The following GOSR2 variants were observed in gnomAD, a reference collection of about 807,000 sequenced individuals.
GOSR2 encodes 27 kDa Golgi SNARE protein.
GOSR2 carries 20 observed loss-of-function variants against 27.9 expected under a neutral mutation model. That is an observed-to-expected ratio of 0.72 (90% CI 0.50 to 1.04). The LOEUF (loss-of-function observed/expected upper bound fraction) is 1.04. GOSR2 is among the 50% of genes least tolerant of loss of function. GOSR2 has a pLI of 0.00. For synonymous variants in GOSR2, 91 were observed against 98.8 expected, an observed-to-expected ratio of 0.92 and a Z score of 0.47; for missense variants, 261 against 270.5, an observed-to-expected ratio of 0.97 and a Z score of 0.25.
chr17:46,959,502 A>C (rs564735300), intron 6 of GOSR2, among the ~76,000 whole-genome samples: 20 of 152,254 alleles, frequency 1.3e-4, no homozygotes, highest in African/African-American at 4.8e-4. Context: ...AGCAAAGGAA[A>C]AGGTTCTTCT....
rs150381512 is a variant in GOSR2 at position 46,935,061 on chromosome 17, A to G, written c.369A>G (p.Ser123=). The G allele has an allele frequency of 1.2e-4, 191 of 1,612,066 alleles. No homozygotes were observed. In the African/African-American group the frequency reaches 2.2e-3, roughly 19 times the overall value. The change falls in exon 5 of 6, where the codon TCA becomes TCG. Residue 123 remains serine, a synonymous_variant. Transcript: ENST00000640051. ...ACACCACCATACCAATGGACGAATC[A>G]CTGCAGTTTAACTCCTCCCTCCAGA... is the stretch of plus-strand genomic sequence containing the variant. The part of the protein sequence containing the change: ...DSDTTIPMDE[S]LQFNSSLQKV...
At chr17:46,938,302 T>C (rs879365525) in intron 5 of GOSR2, among the ~76,000 whole-genome samples, 3 of 152,366 alleles carry the variant, frequency 2.0e-5, no homozygotes, top group Admixed American at 2.0e-4. Flanking sequence ...TTTACACACA[T>C]ATCTGTAAGA....
chr17:46,960,236 G>A (rs1355355547), intron 6 of GOSR2, among the ~76,000 whole-genome samples: 1 of 152,162 alleles, frequency 6.6e-6, no homozygotes, highest in Non-Finnish European at 1.5e-5. Flanking sequence ...TGGCACTTAA[G>A]AACATGAAAA....
At chr17:46,970,591 A>G (rs1354743014), downstream of GOSR2, among the ~76,000 whole-genome samples, 1 of 151,228 alleles carries the variant, frequency 6.6e-6, no homozygotes, top group Non-Finnish European at 1.5e-5. Context: ...ACGCTGCAAC[A>G]TGAGGACTCC....
At chr17:46,929,648 T>C in intron 2 of GOSR2, 64 bp downstream of exon 2, 1 of 832,692 alleles carries the variant, frequency 1.2e-6, no homozygotes, top group East Asian at 2.4e-5. Flanking sequence ...TGGGCTGGGC[T>C]TCCTGACTGC....
chr17:46,949,872 G>A (rs1008988438), intron 6 of GOSR2, among the ~76,000 whole-genome samples: 1 of 152,188 alleles, frequency 6.6e-6, no homozygotes, highest in Non-Finnish European at 1.5e-5. Context: ...GGTTCAGTGT[G>A]GAGGAGGGAA....
At chr17:46,956,472 T>A (rs2090726238) in intron 6 of GOSR2, among the ~76,000 whole-genome samples, 2 of 151,970 alleles carry the variant, frequency 1.3e-5, no homozygotes, top group African/African-American at 2.4e-5. Context: ...TTTTGTATTT[T>A]CTTAGTAGAG....
At chr17:46,969,388 C>T (rs2091368304), downstream of GOSR2, among the ~76,000 whole-genome samples, 1 of 152,176 alleles carries the variant, frequency 6.6e-6, no homozygotes, top group African/African-American at 2.4e-5. Flanking sequence ...GCAGAGTGGC[C>T]AGAAAGGAGG....
Position 46,940,368 on chromosome 17 carries a change from C to A in GOSR2, c.*1608C>A. On this transcript the variant is annotated 3_prime_UTR_variant, in exon 6 of 6. Transcript: ENST00000640051. Reference sequence around the variant, plus strand: ...GGTTGGGGCCCTGCCAGAGTTAAAGCAGTGACTGGAGGGTGGACTGGGGGG... The same window carrying A: ...GGTTGGGGCCCTGCCAGAGTTAAAGAAGTGACTGGAGGGTGGACTGGGGGG... The A allele has an allele frequency of 6.6e-7, 1 of 1,506,156 alleles. No homozygotes were observed. Among genetic ancestry groups the A allele is most frequent in the Admixed American group, 2.0e-5 (1 of 49,662 alleles). The allele number at this position is 1,506,156 out of a possible 1,614,324, so 93.3% of individuals were successfully genotyped here. A position where few individuals can be genotyped will look rare whatever the true frequency, so the allele number is the denominator to read the frequency against.
chr17:46,945,250 C>T (rs907403376), downstream of GOSR2, among the ~76,000 whole-genome samples: 2 of 152,190 alleles, frequency 1.3e-5, no homozygotes, highest in African/African-American at 2.4e-5. Flanking sequence ...ACATCCTCCA[C>T]GCACTGTCCT....
At chr17:46,952,302 G>T (rs17608961) in intron 6 of GOSR2, among the ~76,000 whole-genome samples, 66,088 of 151,994 alleles carry the variant, frequency 0.43, 14,889 homozygotes, top group East Asian at 0.55. Context: ...GCAGGACTGG[G>T]TCAGCAGCCC....
At chr17:46,962,613 G>A (rs2091127310) in intron 6 of GOSR2, among the ~76,000 whole-genome samples, 1 of 152,222 alleles carries the variant, frequency 6.6e-6, no homozygotes, top group African/African-American at 2.4e-5. Flanking sequence ...GCCACATGGA[G>A]GAAATGCCAT....
At chr17:46,968,315 G>A (rs891257731), downstream of GOSR2, among the ~76,000 whole-genome samples, 12 of 152,138 alleles carry the variant, frequency 7.9e-5, no homozygotes, top group Non-Finnish European at 1.3e-4. Flanking sequence ...ATCTCCTCCT[G>A]TTTCTGAATC....
chr17:46,960,107 A>G (rs2090966353), intron 6 of GOSR2, among the ~76,000 whole-genome samples: 1 of 152,252 alleles, frequency 6.6e-6, no homozygotes, highest in Non-Finnish European at 1.5e-5. Context: ...CCTGAATAAT[A>G]TATCTACCAA....
chr17:46,942,107 G>A (rs2089360564), downstream of GOSR2: 1 of 240,200 alleles, frequency 4.2e-6, no homozygotes, highest in South Asian at 1.5e-4. Flanking sequence ...AATCAAGTCA[G>A]TGTAGAATGT....
chr17:46,970,761 C>G (rs951289110), downstream of GOSR2, among the ~76,000 whole-genome samples: 3 of 152,136 alleles, frequency 2.0e-5, no homozygotes, highest in Non-Finnish European at 4.4e-5. Context: ...TAAAAGAGAA[C>G]CAGGTACAAG....
intron 6 of GOSR2, among the ~76,000 whole-genome samples, chr17:46,974,393 A>G (rs2091424806): frequency 6.6e-6 from 1 of 152,238 alleles, no homozygotes; most frequent in African/African-American, 2.4e-5. Flanking sequence ...ATAAACAGGA[A>G]ATTAGAGGAG....
intron 6 of GOSR2, chr17:46,964,128 T>C (rs956395809): frequency 1.3e-5 from 2 of 152,214 alleles, no homozygotes; most frequent in Non-Finnish European, 2.9e-5. Context: ...TTTCCCCATA[T>C]CCAAGGCAAG....
intron 6 of GOSR2, among the ~76,000 whole-genome samples, chr17:46,966,080 G>A (rs186543421): frequency 5.3e-5 from 8 of 152,084 alleles, no homozygotes; most frequent in Admixed American, 3.3e-4. Context: ...TATGTCTAAC[G>A]ATGGATCATT....
Sources: allele counts gnomAD v4.1 joint callset (sites outside exome capture counted in the v4.1 genomes callset), GRCh38; gene constraint gnomAD v4.1.1; transcripts MANE v1.5; gene names NCBI Gene and HGNC (gene_info 2026-07-23, HGNC 2026-07-21).